ADGB: variants seen among roughly 807,000 people sequenced by gnomAD.
ADGB encodes the protein calpain-7-like protein.
ADGB carries 172 observed loss-of-function variants against 210.5 expected under a neutral mutation model. That is an observed-to-expected ratio of 0.82 (90% CI 0.72 to 0.93). The LOEUF is 0.93. ADGB is among the 40% of genes least tolerant of loss of function. The pLI, the probability that ADGB is intolerant of heterozygous loss-of-function variation, is 0.00. For missense variants in ADGB, 2,025 were observed against 1,964.8 expected (o/e 1.03, Z -0.58); for synonymous variants, 658 against 662.7 (o/e 0.99, Z 0.11).
chr6:146,752,570 C>A lies in ADGB; in HGVS notation c.3406C>A (p.Gln1136Lys). Residue 1136 changes from glutamine (Q) to lysine (K), a missense_variant, in exon 27 of 36, where the codon CAG (glutamine) becomes AAG (lysine). Gln to Lys is a moderately conservative substitution (Grantham distance 53). Coordinates refer to ENST00000397944, the MANE Select transcript of ADGB (RefSeq NM_024694.4). The part of the protein sequence containing the change: ...KVLTPQPATI[Q>K]VRTSKPDAFI... The stretch of plus-strand genomic sequence containing the variant: ...TCTAACACCACAACCTGCTACAATA[C>A]AGGTACGCACATCCAAACCAGATGC... 1 of 1,550,004 alleles carries A rather than the reference C, an allele frequency of 6.5e-7. No homozygotes were observed. The highest frequency in any genetic ancestry group is 2.4e-5 in the East Asian group (1 of 40,870).
intron 3 of ADGB, among the ~76,000 whole-genome samples, chr6:146,649,375 A>T (rs914046512): frequency 1.1e-4 from 17 of 152,138 alleles, no homozygotes; most frequent in Admixed American, 5.2e-4. Context: ...GTCTCACAAT[A>T]TTTGTGCCAA....
At chr6:146,640,325 C>A (rs1224510660) in intron 2 of ADGB, among the ~76,000 whole-genome samples, 1 of 151,928 alleles carries the variant, frequency 6.6e-6, no homozygotes, top group Non-Finnish European at 1.5e-5. Context: ...TGAATTCTAC[C>A]AGATGTAGAA....
At chr6:146,694,115 C>A (rs1044104005) in intron 12 of ADGB, among the ~76,000 whole-genome samples, 1 of 152,118 alleles carries the variant, frequency 6.6e-6, no homozygotes, top group African/African-American at 2.4e-5. Flanking sequence ...ACTCTTCCAG[C>A]CTTTATTACC....
chr6:146,623,027 T>C (rs1282623171), intron 1 of ADGB, among the ~76,000 whole-genome samples: 1 of 152,002 alleles, frequency 6.6e-6, no homozygotes, highest in Non-Finnish European at 1.5e-5. Context: ...TATGGGCCTA[T>C]TTTGTTACTA....
chr6:146,791,723 T>TC (rs1480318912), intron 33 of ADGB, among the ~76,000 whole-genome samples: 1 of 152,064 alleles, frequency 6.6e-6, no homozygotes, highest in African/African-American at 2.4e-5. Flanking sequence ...TGAAGAGATT[T>TC]CCCTTTCCCA....
intron 26 of ADGB, among the ~76,000 whole-genome samples, chr6:146,750,405 A>C (rs1223990545): frequency 1.3e-5 from 2 of 151,938 alleles, no homozygotes; most frequent in Non-Finnish European, 2.9e-5. Context: ...CAAAAAATAA[A>C]AATTTAGTTG....
intron 12 of ADGB, among the ~76,000 whole-genome samples, chr6:146,695,891 C>T (rs1480243366): frequency 2.6e-5 from 4 of 151,546 alleles, no homozygotes; most frequent in African/African-American, 9.7e-5. Flanking sequence ...TTTTCTTTGC[C>T]CTATTGAGAA....
chr6:146,617,218 A>T (rs968056742), intron 1 of ADGB, among the ~76,000 whole-genome samples: 4 of 151,820 alleles, frequency 2.6e-5, no homozygotes, highest in African/African-American at 9.7e-5. Context: ...TATAAATGAG[A>T]TTGCTTTCTT....
chr6:146,790,744 T>C (rs1250370197), intron 33 of ADGB, among the ~76,000 whole-genome samples: 1 of 152,214 alleles, frequency 6.6e-6, no homozygotes, highest in Non-Finnish European at 1.5e-5. Context: ...ATTCTACTTT[T>C]AGTTTCTTGA....
chr6:146,791,442 C>T (rs1281504153), intron 33 of ADGB, among the ~76,000 whole-genome samples: 2 of 152,150 alleles, frequency 1.3e-5, no homozygotes, highest in Non-Finnish European at 1.5e-5. Flanking sequence ...CTCCCAGACT[C>T]AAGTGATCTG....
intron 12 of ADGB, among the ~76,000 whole-genome samples, chr6:146,693,821 C>T (rs1289051535): frequency 2.6e-5 from 4 of 152,116 alleles, no homozygotes; most frequent in East Asian, 3.9e-4. Context: ...TTCTACCTTC[C>T]GCAAAACACT....
intron 35 of ADGB, among the ~76,000 whole-genome samples, chr6:146,811,452 T>TAC (rs1778301402): frequency 6.6e-6 from 1 of 151,758 alleles, no homozygotes; most frequent in Admixed American, 6.6e-5. Context: ...TATATATATA[T>TAC]ATATTCAGGA....
chr6:146,785,065 A>T (rs1777854762), intron 31 of ADGB, among the ~76,000 whole-genome samples: 1 of 152,128 alleles, frequency 6.6e-6, no homozygotes, highest in East Asian at 1.9e-4. Flanking sequence ...TCTTTCACAT[A>T]GCCCTGGCTT....
intron 33 of ADGB, among the ~76,000 whole-genome samples, chr6:146,792,132 C>T (rs1450365773): frequency 1.3e-5 from 2 of 151,962 alleles, no homozygotes; most frequent in Non-Finnish European, 2.9e-5. Context: ...ATTAGTGTAG[C>T]TTTGTAATAT....
chr6:146,783,232 T>C (rs1024466115), intron 30 of ADGB, among the ~76,000 whole-genome samples: 10 of 152,198 alleles, frequency 6.6e-5, no homozygotes, highest in Admixed American at 2.0e-4. Context: ...ATCTCTCAGG[T>C]TTCCAGCAGG....
intron 1 of ADGB, among the ~76,000 whole-genome samples, chr6:146,609,620 C>A (rs926936503): frequency 6.6e-6 from 1 of 152,186 alleles, no homozygotes; most frequent in African/African-American, 2.4e-5. Context: ...CCCTTAAGGA[C>A]CTCTTTTAAA....
intron 29 of ADGB, among the ~76,000 whole-genome samples, chr6:146,769,417 T>C (rs1462365198): frequency 1.3e-5 from 2 of 152,196 alleles, no homozygotes; most frequent in East Asian, 3.8e-4. Context: ...CTTTTGAACA[T>C]TTCAAAAATG....
At chr6:146,775,492 G>A (rs909573425) in intron 29 of ADGB, among the ~76,000 whole-genome samples, 1 of 152,108 alleles carries the variant, frequency 6.6e-6, no homozygotes, top group Non-Finnish European at 1.5e-5. Context: ...AGAGAACCTT[G>A]AGCAGATAGT....
chr6:146,789,517 T>G (rs1450308215), intron 33 of ADGB, among the ~76,000 whole-genome samples: 1 of 152,202 alleles, frequency 6.6e-6, no homozygotes, highest in African/African-American at 2.4e-5. Flanking sequence ...AATTAAGAAG[T>G]GTTTAAAGCT....
Sources: allele counts gnomAD v4.1 joint callset (sites outside exome capture counted in the v4.1 genomes callset), GRCh38; gene constraint gnomAD v4.1.1; transcripts MANE v1.5; gene names NCBI Gene and HGNC (gene_info 2026-07-23, HGNC 2026-07-21).